The following PCGF3 variants were observed in gnomAD, a reference collection of about 807,000 sequenced individuals.
PCGF3 encodes polycomb group RING finger protein 3.
In PCGF3, 7 loss-of-function variants were observed where a neutral mutation model predicts 33.1. That is an observed-to-expected ratio of 0.21 (90% CI 0.12 to 0.40). The LOEUF is 0.40. Among genes scored for constraint, PCGF3 ranks in the 10% least tolerant of loss-of-function variants. The pLI is 1.00. For synonymous variants in PCGF3, 153 were observed against 121.3 expected, an observed-to-expected ratio of 1.26 and a Z score of -1.72; for missense variants, 211 against 313.3, an observed-to-expected ratio of 0.67 and a Z score of 2.46.
At chr4:734,458 A>G in intron 4 of PCGF3, 1 of 1,257,490 alleles carries the variant, frequency 8.0e-7, no homozygotes, top group Non-Finnish European at 1.0e-6. Context: ...TAGGAAATAA[A>G]ATATTTGCCA....
At chr4:708,002 C>T in intron 1 of PCGF3, among the ~76,000 whole-genome samples, 1 of 134,880 alleles carries the variant, frequency 7.4e-6, no homozygotes, top group African/African-American at 2.6e-5. Flanking sequence ...GACCCTGGGA[C>T]AGCCCTGTTT....
intron 1 of PCGF3, among the ~76,000 whole-genome samples, chr4:727,553 T>C (rs1046915909): frequency 2.0e-5 from 3 of 152,188 alleles, no homozygotes; most frequent in African/African-American, 7.2e-5. Flanking sequence ...TTTTGTTTTT[T>C]TTAAATCATG....
intron 9 of PCGF3, 51 bp from the exon 10 acceptor site, chr4:764,933 A>T: frequency 1.6e-6 from 2 of 1,262,864 alleles, no homozygotes; most frequent in Non-Finnish European, 2.3e-6. Context: ...TGGCCATGTC[A>T]GTGTGGGTTG....
At chr4:722,763 C>T (rs1424394415) in intron 1 of PCGF3, among the ~76,000 whole-genome samples, 1 of 90,444 alleles carries the variant, frequency 1.1e-5, no homozygotes, top group Non-Finnish European at 2.1e-5. Flanking sequence ...GCGACATCGC[C>T]ATCCACGCCG....
chr4:731,631 CAG>C (rs1278407509), intron 3 of PCGF3, among the ~76,000 whole-genome samples: 2 of 85,390 alleles, frequency 2.3e-5, no homozygotes, highest in Non-Finnish European at 5.4e-5. Context: ...GCGTGGTCCT[CAG>C]GGGCGTAGGG....
At chr4:742,513 C>A (rs1384651435) in intron 6 of PCGF3, among the ~76,000 whole-genome samples, 1 of 152,222 alleles carries the variant, frequency 6.6e-6, no homozygotes, top group Non-Finnish European at 1.5e-5. Flanking sequence ...TTTTTCTAAC[C>A]TTTCTTTGCT....
chr4:724,713 G>C (rs1743253067), intron 1 of PCGF3, among the ~76,000 whole-genome samples: 1 of 152,124 alleles, frequency 6.6e-6, no homozygotes, highest in East Asian at 1.9e-4. Context: ...CAGGAGAATG[G>C]TGTGAACCCG....
intron 8 of PCGF3, among the ~76,000 whole-genome samples, chr4:754,260 G>A (rs1421231246): frequency 6.6e-6 from 1 of 152,188 alleles, no homozygotes; most frequent in Non-Finnish European, 1.5e-5. Context: ...TCTGGAGCTG[G>A]AAATGTGGTT....
intron 4 of PCGF3, chr4:734,634 G>C: frequency 8.0e-7 from 1 of 1,242,622 alleles, no homozygotes; most frequent in Non-Finnish European, 1.0e-6. Flanking sequence ...ATGTTCTGAT[G>C]ACCCACAGCT....
intron 4 of PCGF3, 187 bp from the exon 5 acceptor site, chr4:734,744 C>A (rs1743759200): frequency 2.2e-6 from 3 of 1,377,164 alleles, no homozygotes; most frequent in African/African-American, 3.0e-5. Flanking sequence ...CAATTAAAAC[C>A]TTCTCATTGC....
Position 734,721 on chromosome 4 carries a change from C to T in PCGF3, c.110-210C>T, listed in dbSNP as rs1743757949. The T allele has an allele frequency of 2.2e-6, 3 of 1,355,990 alleles. No homozygotes were observed. The South Asian group carries it at 5.5e-5, about 25-fold the overall frequency. 84.0% of individuals were successfully genotyped at this position (1,355,990 alleles called of 1,614,324 possible). A position where few individuals can be genotyped will look rare whatever the true frequency, so the allele number is the denominator to read the frequency against. ...TCCTAACCCTGCCTCTTTGAGGAAG[C>T]CCATTGACGGGGCAATTAAAACCTT... On this transcript the variant is annotated intron_variant, in intron 4 of 10. Coordinates refer to ENST00000362003, the Ensembl canonical transcript of PCGF3.
chr4:758,281 A>C (rs978812972), intron 8 of PCGF3, among the ~76,000 whole-genome samples: 2 of 144,808 alleles, frequency 1.4e-5, no homozygotes, highest in Admixed American at 1.4e-4. Flanking sequence ...CCTGCTTCTC[A>C]CTTCTTCCGC....
At chr4:755,376 G>C (rs1320552984) in intron 8 of PCGF3, among the ~76,000 whole-genome samples, 1 of 152,122 alleles carries the variant, frequency 6.6e-6, no homozygotes, top group East Asian at 1.9e-4. Context: ...CTGCGTGTGA[G>C]TTGCTTACTT....
At chr4:724,276 C>T (rs533243064) in intron 1 of PCGF3, among the ~76,000 whole-genome samples, 1 of 152,308 alleles carries the variant, frequency 6.6e-6, no homozygotes, top group South Asian at 2.1e-4. Flanking sequence ...ACAGCAAAGG[C>T]CCCGGAGGCT....
chr4:712,435 GTTTTTGT>G (rs1742611524), intron 1 of PCGF3, among the ~76,000 whole-genome samples: 1 of 151,982 alleles, frequency 6.6e-6, no homozygotes, highest in African/African-American at 2.4e-5. Flanking sequence ...TTGTTTGTTT[GTTTTTGT>G]TTTTTGTTTG....
intron 1 of PCGF3, among the ~76,000 whole-genome samples, chr4:726,022 G>T (rs1279883109): frequency 2.0e-5 from 3 of 152,290 alleles, no homozygotes; most frequent in African/African-American, 7.2e-5. Flanking sequence ...CGTCCACCGT[G>T]TGTCCATGGA....
Position 740,269 on chromosome 4 carries a change from G to A in PCGF3, c.262+2748G>A, listed in dbSNP as rs77128777. 7.4e-3 allele frequency among the ~76,000 whole-genome samples: 1,122 copies of A among 152,374 alleles called. 3 individuals are homozygous for A. Among genetic ancestry groups the A allele is most frequent in the Middle Eastern group, 0.02 (6 of 294 alleles). ...CCTGGACTCCGGGCAGGCCCTCAAC[G>A]CTGTCCCCGCACCCCCACATGGTGG... On this transcript the variant is annotated intron_variant, in intron 6 of 10. Transcript: ENST00000362003.
chr4:764,265 T>C (rs1447257208), intron 9 of PCGF3, among the ~76,000 whole-genome samples: 1 of 152,236 alleles, frequency 6.6e-6, no homozygotes, highest in Non-Finnish European at 1.5e-5. Context: ...TCAATTTTGC[T>C]GTAAACCTTA....
rs1383112264 is a variant in PCGF3 at position 720,730 on chromosome 4, G to A, written c.-189-9900G>A. Reference sequence around the variant, plus strand: ...ACCCGGCGTGGACGGGCGGTGACGTGCGTGTGGACCCGGCGTGGACGCAGC... The same window carrying A: ...ACCCGGCGTGGACGGGCGGTGACGTACGTGTGGACCCGGCGTGGACGCAGC... On this transcript the variant is annotated intron_variant, in intron 1 of 10. Coordinates refer to ENST00000362003, the Ensembl canonical transcript of PCGF3. This position sits in a 1 kb window ranked among gnomAD's most constrained non-coding sequence, Gnocchi z 5.6. 1.3e-5 allele frequency among the ~76,000 whole-genome samples: 2 copies of A among 151,972 alleles called. No homozygotes were observed. The highest frequency in any genetic ancestry group is 2.9e-5 in the Non-Finnish European group (2 of 67,946).
Sources: allele counts gnomAD v4.1 joint callset (sites outside exome capture counted in the v4.1 genomes callset), GRCh38; gene constraint gnomAD v4.1.1; non-coding constraint Gnocchi (gnomAD v3.1); transcripts MANE v1.5; gene names NCBI Gene and HGNC (gene_info 2026-07-23, HGNC 2026-07-21).